The following LRRC4C variants were observed in gnomAD, a reference collection of about 807,000 sequenced individuals.
The protein encoded by LRRC4C is leucine-rich repeat-containing protein 4C.
LRRC4C carries 5 observed loss-of-function variants against 33.6 expected under a neutral mutation model. The ratio of observed to expected loss-of-function variants is 0.15; its 90% CI spans 0.08 to 0.31. LRRC4C has a LOEUF of 0.31. Among genes scored for constraint, LRRC4C ranks in the 10% least tolerant of loss-of-function variants. LRRC4C has a pLI of 1.00. For missense variants in LRRC4C, 560 were observed against 796.7 expected, an observed-to-expected ratio of 0.70 and a Z score of 3.58; for synonymous variants, 329 against 302.0, an observed-to-expected ratio of 1.09 and a Z score of -0.93.
At chr11:40,577,590 C>T (rs1958246321) in intron 3 of LRRC4C, among the ~76,000 whole-genome samples, 1 of 152,018 alleles carries the variant, frequency 6.6e-6, no homozygotes, top group Non-Finnish European at 1.5e-5. Flanking sequence ...TGTCTGGAGA[C>T]GTTTTGTTTG....
chr11:40,687,522 C>T (rs77056244), intron 2 of LRRC4C, among the ~76,000 whole-genome samples: 130 of 152,152 alleles, frequency 8.5e-4, no homozygotes, highest in African/African-American at 3.1e-3. Context: ...AATATTGTTG[C>T]TTAATAAATA....
intron 3 of LRRC4C, among the ~76,000 whole-genome samples, chr11:40,392,845 C>T (rs1411189088): frequency 6.6e-6 from 1 of 151,722 alleles, no homozygotes; most frequent in Non-Finnish European, 1.5e-5. Context: ...TTCAATACAA[C>T]CCCAGAACAA....
chr11:41,396,686 G>A (rs1167987068), intron 1 of LRRC4C, among the ~76,000 whole-genome samples: 1 of 151,960 alleles, frequency 6.6e-6, no homozygotes, highest in African/African-American at 2.4e-5. Context: ...AGTTTGTTGT[G>A]CAGATTATTT....
intron 3 of LRRC4C, among the ~76,000 whole-genome samples, chr11:40,433,875 T>A (rs1951035737): frequency 6.6e-6 from 1 of 152,140 alleles, no homozygotes; most frequent in African/African-American, 2.4e-5. Flanking sequence ...AAGGAAGGAC[T>A]GGCTTTGTGA....
intron 3 of LRRC4C, among the ~76,000 whole-genome samples, chr11:40,639,769 T>G (rs1941995454): frequency 6.6e-6 from 1 of 152,208 alleles, no homozygotes; most frequent in Non-Finnish European, 1.5e-5. Context: ...AATATGGAGT[T>G]AAAGATGTAA....
chr11:40,232,658 T>C (rs1484965954), intron 5 of LRRC4C, among the ~76,000 whole-genome samples: 1 of 152,232 alleles, frequency 6.6e-6, no homozygotes. Context: ...TTCTTCAGAA[T>C]GTGGCCAAGA....
chr11:40,804,299 T>G (rs1951159220), intron 2 of LRRC4C, among the ~76,000 whole-genome samples: 1 of 152,122 alleles, frequency 6.6e-6, no homozygotes, highest in Non-Finnish European at 1.5e-5. Context: ...TACCCTAAAT[T>G]AAAATGCAAA....
intron 3 of LRRC4C, among the ~76,000 whole-genome samples, chr11:40,600,823 T>A (rs923050517): frequency 4.6e-5 from 7 of 152,132 alleles, no homozygotes; most frequent in Admixed American, 2.0e-4. Context: ...GCATGGCACT[T>A]TTATGTTTGA....
At chr11:40,244,851 T>G (rs1866205408) in intron 4 of LRRC4C, among the ~76,000 whole-genome samples, 1 of 152,152 alleles carries the variant, frequency 6.6e-6, no homozygotes, top group Non-Finnish European at 1.5e-5. Context: ...AAATTTGACT[T>G]TAAAGTATTT....
chr11:40,447,862 G>C (rs1408552719), intron 3 of LRRC4C, among the ~76,000 whole-genome samples: 1 of 152,118 alleles, frequency 6.6e-6, no homozygotes, highest in African/African-American at 2.4e-5. Flanking sequence ...TGTTGCCCAG[G>C]CTGGAGTGCA....
At chr11:40,428,335 C>CTAAA (rs1950793163) in intron 3 of LRRC4C, among the ~76,000 whole-genome samples, 1 of 152,106 alleles carries the variant, frequency 6.6e-6, no homozygotes, top group Non-Finnish European at 1.5e-5. Context: ...TATAACTTTG[C>CTAAA]TAAAGACTTG....
Position 40,633,371 on chromosome 11 carries a change from T to TC in LRRC4C, c.-270+14770_-270+14771insG, listed in dbSNP as rs1963658236. ...TTTCTTTCTTTCTTTCTTTCTTTCT[T>TC]TCTCTCTCTTTCTTTCTTTCTTTCT... is the stretch of plus-strand genomic sequence containing the variant. On this transcript the variant is annotated intron_variant, in intron 3 of 6. Coordinates refer to ENST00000528697, the MANE Select transcript of LRRC4C (RefSeq NM_001258419.2). 3.3e-3 allele frequency among the ~76,000 whole-genome samples: 322 copies of TC among 96,316 alleles called. 9 individuals are homozygous for TC. Among genetic ancestry groups the TC allele is most frequent in the African/African-American group, 7.6e-3 (219 of 28,888 alleles). The allele number at this position is 96,316 out of a possible 152,430, so 63.2% of individuals were successfully genotyped here.
At chr11:40,191,566 T>C (rs1198710438) in intron 5 of LRRC4C, among the ~76,000 whole-genome samples, 1 of 152,206 alleles carries the variant, frequency 6.6e-6, no homozygotes, top group Non-Finnish European at 1.5e-5. Context: ...CTGTAACTCA[T>C]ATAATTACAT....
At chr11:40,439,323 A>T (rs1370714746) in intron 3 of LRRC4C, among the ~76,000 whole-genome samples, 1 of 151,998 alleles carries the variant, frequency 6.6e-6, no homozygotes, top group Non-Finnish European at 1.5e-5. Flanking sequence ...CTCAGAATGT[A>T]TGTGCTGTGG....
intron 2 of LRRC4C, among the ~76,000 whole-genome samples, chr11:40,749,182 C>T (rs1016654795): frequency 2.0e-5 from 3 of 152,072 alleles, no homozygotes; most frequent in African/African-American, 7.2e-5. Flanking sequence ...TTCTTCTCAT[C>T]AGTACGTGGA....
At chr11:40,824,900 C>T (rs527795891) in intron 2 of LRRC4C, among the ~76,000 whole-genome samples, 1 of 151,966 alleles carries the variant, frequency 6.6e-6, no homozygotes, top group African/African-American at 2.4e-5. Context: ...TATAAAAATG[C>T]GGCTGTCACT....
intron 1 of LRRC4C, among the ~76,000 whole-genome samples, chr11:41,423,528 C>A (rs1427666840): frequency 6.6e-6 from 1 of 151,948 alleles, no homozygotes; most frequent in Non-Finnish European, 1.5e-5. Context: ...TGGTTTTTAA[C>A]TATAGAAGTG....
At chr11:41,226,534 T>C (rs1157165988) in intron 1 of LRRC4C, among the ~76,000 whole-genome samples, 2 of 152,128 alleles carry the variant, frequency 1.3e-5, no homozygotes, top group African/African-American at 4.8e-5. Flanking sequence ...TCACTGTCAG[T>C]ACTCAGAGTT....
chr11:40,363,746 A>G (rs924414489), intron 3 of LRRC4C, among the ~76,000 whole-genome samples: 1 of 152,138 alleles, frequency 6.6e-6, no homozygotes, highest in Non-Finnish European at 1.5e-5. Context: ...CTCAAAGAAC[A>G]CTTGCCCGGT....
Sources: gnomAD v4.1 joint callset for allele counts (sites outside exome capture counted in the v4.1 genomes callset) on GRCh38, gnomAD v4.1.1 for gene constraint, MANE v1.5 for transcripts, NCBI Gene and HGNC (gene_info 2026-07-23, HGNC 2026-07-21) for gene names.